PPIP5K1: variants seen among roughly 807,000 people sequenced by gnomAD.
PPIP5K1 encodes diphosphoinositol pentakisphosphate kinase 1.
Under a neutral mutation model 27.7 loss-of-function variants are expected in PPIP5K1, and 6 were observed. That is an observed-to-expected ratio of 0.22 (90% confidence interval 0.12 to 0.43). The LOEUF is 0.43. Ranked by LOEUF, PPIP5K1 falls within the 20% of genes least tolerant of loss-of-function variation. The pLI, the probability that PPIP5K1 is intolerant of heterozygous loss-of-function variation, is 1.00. For missense variants in PPIP5K1, 394 were observed against 635.4 expected, an observed-to-expected ratio of 0.62 and a Z score of 4.08; for synonymous variants, 145 against 242.6, an observed-to-expected ratio of 0.60 and a Z score of 3.74.
At chr15:43,555,030 T>A (rs921569578) in intron 30 of PPIP5K1, among the ~76,000 whole-genome samples, 1 of 151,948 alleles carries the variant, frequency 6.6e-6, no homozygotes, top group Admixed American at 6.6e-5. Context: ...AGAGACAAGG[T>A]TTCCCCATGT....
chr15:43,540,607 G>A lies in PPIP5K1; in HGVS notation c.3557-1024C>T, dbSNP rs143403749. Among the ~76,000 whole-genome samples, 635 of 151,812 alleles carry A rather than the reference G, an allele frequency of 4.2e-3. 4 individuals carry two copies. The highest frequency in any genetic ancestry group is 0.015 in the African/African-American group (600 of 41,346). On this transcript the variant is annotated intron_variant, in intron 30 of 31. Transcript: ENST00000420765. ...AGCTATTTAGGAGGCTGAGGCAGGA[G>A]AATTGCTTGAACCCAGGAAACAGAG...
intron 30 of PPIP5K1, among the ~76,000 whole-genome samples, chr15:43,552,379 T>C (rs915002090): frequency 6.6e-6 from 1 of 151,948 alleles, no homozygotes; most frequent in African/African-American, 2.4e-5. Context: ...TAATTTCCCT[T>C]GTGAGTTCTT....
intron 31 of PPIP5K1, among the ~76,000 whole-genome samples, chr15:43,538,071 A>G (rs1246467428): frequency 6.6e-6 from 1 of 152,156 alleles, no homozygotes; most frequent in Non-Finnish European, 1.5e-5. Flanking sequence ...AGAGTGTAGG[A>G]TAATCTGAAA....
At chr15:43,540,467 G>A (rs2080518844) in intron 30 of PPIP5K1, among the ~76,000 whole-genome samples, 2 of 151,830 alleles carry the variant, frequency 1.3e-5, no homozygotes, top group South Asian at 2.1e-4. Flanking sequence ...AGGAGGCCGG[G>A]GCAGGCAGAT....
intron 30 of PPIP5K1, among the ~76,000 whole-genome samples, chr15:43,543,454 A>G (rs1194538632): frequency 6.6e-6 from 1 of 151,330 alleles, no homozygotes; most frequent in East Asian, 1.9e-4. Context: ...CAAAAAAAAA[A>G]CTCCTGGGAT....
chr15:43,553,230 G>A (rs775414521), intron 30 of PPIP5K1, among the ~76,000 whole-genome samples: 3 of 152,126 alleles, frequency 2.0e-5, no homozygotes, highest in Non-Finnish European at 4.4e-5. Context: ...GATATTTCAT[G>A]TACATGTGAG....
At chr15:43,542,143 C>T (rs949767144) in intron 30 of PPIP5K1, among the ~76,000 whole-genome samples, 3 of 152,178 alleles carry the variant, frequency 2.0e-5, no homozygotes, top group African/African-American at 7.2e-5. Flanking sequence ...AGCTTTCCTT[C>T]TGCAAATGGG....
At position 43,560,398 on chromosome 15, in the gene PPIP5K1, G is replaced by A. The variant is rs1384716268; in HGVS notation, c.3418+15C>T. 7.7e-7 allele frequency: 1 copy of A among 1,299,520 alleles called. No homozygotes were observed. The highest frequency in any genetic ancestry group is 1.5e-5 in the African/African-American group (1 of 65,868). 80.5% of individuals were successfully genotyped at this position (1,299,520 alleles called of 1,614,324 possible). A position where few individuals can be genotyped will look rare whatever the true frequency, so the allele number is the denominator to read the frequency against. ...CCAGGGTAGTGGCAGCAGCCAGTTT[G>A]GTGGCAGGGGGTACCGTAGAGGCAC... On this transcript the variant is annotated intron_variant, in intron 29 of 31. Coordinates refer to ENST00000420765, the MANE Select transcript of PPIP5K1 (RefSeq NM_001394395.1).
At chr15:43,550,950 C>T (rs1453960380) in intron 30 of PPIP5K1, among the ~76,000 whole-genome samples, 1 of 152,182 alleles carries the variant, frequency 6.6e-6, no homozygotes, top group East Asian at 1.9e-4. Flanking sequence ...TGAGATAAAT[C>T]TCATCAGCCC....
rs539402748 is a variant in PPIP5K1 at position 43,550,543 on chromosome 15, T to C, written c.3556+8252A>G. Among the ~76,000 whole-genome samples, 614 of 152,314 alleles carry C rather than the reference T, an allele frequency of 4.0e-3. 8 individuals carry two copies. The highest frequency in any genetic ancestry group is 5.2e-3 in the Non-Finnish European group (354 of 68,018). The stretch of plus-strand genomic sequence containing the variant: ...TTTCTTTTGAGACTTCTTTGTGATT[T>C]TATATTTGGGACCATGTCCTCTGTG... On this transcript the variant is annotated intron_variant, in intron 30 of 31. Coordinates refer to ENST00000420765, the MANE Select transcript of PPIP5K1 (RefSeq NM_001394395.1).
chr15:43,540,705 A>AC (rs1169956595), intron 30 of PPIP5K1, among the ~76,000 whole-genome samples: 58 of 151,404 alleles, frequency 3.8e-4, no homozygotes, highest in Non-Finnish European at 2.1e-4. Context: ...TCAAAAAAAA[A>AC]AAAAATTAGC....
chr15:43,536,056 T>G, intron 31 of PPIP5K1: 1 of 1,259,672 alleles, frequency 7.9e-7, no homozygotes, highest in Non-Finnish European at 1.0e-6. Context: ...TAATCATTAT[T>G]TATAGCCCAA....
At chr15:43,559,054 T>C (rs1254550431) in intron 29 of PPIP5K1, 122 bp from the exon 30 acceptor site, 2 of 1,145,052 alleles carry the variant, frequency 1.7e-6, no homozygotes, top group South Asian at 2.8e-5. Context: ...GAGTGTTGGG[T>C]ATCCAAGACT....
chr15:43,552,067 C>T (rs911143953), intron 30 of PPIP5K1, among the ~76,000 whole-genome samples: 6 of 151,054 alleles, frequency 4.0e-5, no homozygotes, highest in African/African-American at 1.5e-4. Flanking sequence ...TCTCCTCCCA[C>T]CTCAGACTCC....
chr15:43,550,105 C>T (rs889370339), intron 30 of PPIP5K1, among the ~76,000 whole-genome samples: 45 of 152,046 alleles, frequency 3.0e-4, no homozygotes, highest in African/African-American at 1.1e-3. Context: ...TGAGCCCGGC[C>T]CACAAGATTT....
rs577264233 is a variant in PPIP5K1 at position 43,550,052 on chromosome 15, C to T, written c.3556+8743G>A. On this transcript the variant is annotated intron_variant, in intron 30 of 31. Coordinates refer to ENST00000420765, the MANE Select transcript of PPIP5K1 (RefSeq NM_001394395.1). ...AACTCCTGGCCTCAAATGATCCTCC[C>T]GCCTTAGCCTCTCAAAGTGCCAGGA... Among the ~76,000 whole-genome samples, 12 of 152,252 alleles carry T rather than the reference C, an allele frequency of 7.9e-5. No homozygotes were observed. In the South Asian group the frequency reaches 1.0e-3, roughly 13 times the overall value.
chr15:43,567,163 T>C (rs888772509), intron 26 of PPIP5K1, among the ~76,000 whole-genome samples: 1 of 96,894 alleles, frequency 1.0e-5, no homozygotes, highest in Non-Finnish European at 1.8e-5. Flanking sequence ...GTCACCCAGG[T>C]TGGAGTACAG....
At chr15:43,558,625 G>C (rs1034443692) in intron 30 of PPIP5K1, among the ~76,000 whole-genome samples, 170 bp downstream of exon 30, 2 of 152,146 alleles carry the variant, frequency 1.3e-5, no homozygotes, top group African/African-American at 4.8e-5. Context: ...CCAAAGTGCT[G>C]GGATAACAGA....
intron 30 of PPIP5K1, among the ~76,000 whole-genome samples, chr15:43,553,963 C>T (rs2255051): frequency 0.28 from 41,946 of 151,894 alleles, 9,999 homozygotes; most frequent in African/African-American, 0.64. Context: ...ACTAATATTC[C>T]GACGAGTTGT....
Sources: gnomAD v4.1 joint callset for allele counts (sites outside exome capture counted in the v4.1 genomes callset) on GRCh38, gnomAD v4.1.1 for gene constraint, MANE v1.5 for transcripts, NCBI Gene and HGNC (gene_info 2026-07-23, HGNC 2026-07-21) for gene names.